Variants in PARD3B observed in about 807,000 individuals in gnomAD.
PARD3B encodes the protein partitioning defective 3 homolog B.
A neutral mutation model predicts 130.2 loss-of-function variants in PARD3B; 103 were observed. The ratio of observed to expected loss-of-function variants is 0.79; its 90% CI spans 0.67 to 0.93. The LOEUF is 0.93. PARD3B is among the 40% of genes least tolerant of loss of function. The probability of loss-of-function intolerance (pLI) is 0.00; values close to 1 mark genes in which losing one functional copy is unlikely to be tolerated. For synonymous variants in PARD3B, 583 were observed against 553.2 expected (o/e 1.05, Z -0.76); for missense variants, 1,609 against 1,499.2 (o/e 1.07, Z -1.21).
chr2:205,185,612 A>C, intron 13 of PARD3B, 152 bp from the exon 14 acceptor site: 4 of 583,278 alleles, frequency 6.9e-6, no homozygotes, highest in Non-Finnish European at 1.3e-5. Flanking sequence ...TCATTCTCAT[A>C]AGGATCCTTC....
intron 2 of PARD3B, among the ~76,000 whole-genome samples, chr2:204,949,829 CT>C (rs575390924): frequency 1.2e-3 from 180 of 152,048 alleles, no homozygotes; most frequent in African/African-American, 4.2e-3. Context: ...ACCTATTGGC[CT>C]GGGCTGGGAG....
intron 2 of PARD3B, among the ~76,000 whole-genome samples, chr2:204,935,134 T>C (rs1345308580): frequency 6.9e-6 from 1 of 145,340 alleles, no homozygotes; most frequent in East Asian, 1.9e-4. Flanking sequence ...TTTTTCATTC[T>C]TGTTTTCCCT....
chr2:204,804,763 C>T (rs906348142), intron 2 of PARD3B, among the ~76,000 whole-genome samples: 3 of 152,032 alleles, frequency 2.0e-5, no homozygotes, highest in Non-Finnish European at 4.4e-5. Context: ...CTTTCAAAAA[C>T]AATGAAATAA....
chr2:205,294,198 A>G (rs1340998352), intron 16 of PARD3B, among the ~76,000 whole-genome samples: 1 of 152,164 alleles, frequency 6.6e-6, no homozygotes, highest in Non-Finnish European at 1.5e-5. Context: ...AAAACAAACC[A>G]GCATGCTGGG....
chr2:205,130,303 T>C (rs1430022219), intron 10 of PARD3B, among the ~76,000 whole-genome samples: 1 of 152,196 alleles, frequency 6.6e-6, no homozygotes, highest in African/African-American at 2.4e-5. Context: ...ACTATGCTAG[T>C]TAATCAACTG....
intron 1 of PARD3B, among the ~76,000 whole-genome samples, chr2:204,666,713 G>A (rs1342624055): frequency 6.6e-6 from 1 of 152,116 alleles, no homozygotes; most frequent in African/African-American, 2.4e-5. Flanking sequence ...ATCACCATTT[G>A]CTATGAAAAA....
At chr2:204,872,079 A>G (rs1033629906) in intron 2 of PARD3B, among the ~76,000 whole-genome samples, 3 of 152,114 alleles carry the variant, frequency 2.0e-5, no homozygotes, top group Non-Finnish European at 2.9e-5. Context: ...TCTTAACACT[A>G]TTGACTCAAA....
intron 1 of PARD3B, among the ~76,000 whole-genome samples, chr2:204,565,412 TTGAC>T (rs1168442258): frequency 1.3e-5 from 2 of 152,222 alleles, no homozygotes; most frequent in South Asian, 2.1e-4. Context: ...ATGTGGTACT[TTGAC>T]TGATCTTGTA....
chr2:205,036,291 G>A (rs1453153253), intron 3 of PARD3B, among the ~76,000 whole-genome samples: 2 of 134,162 alleles, frequency 1.5e-5, no homozygotes, highest in Non-Finnish European at 3.2e-5. Context: ...GTATATAGTG[G>A]GCTATATATA....
In PARD3B at chr2:204,545,784, C is replaced by A. The variant is rs1278615585; in HGVS notation, c.-216C>A. The A allele has an allele frequency of 4.2e-6, 2 of 473,542 alleles. No homozygotes were observed. The highest frequency in any genetic ancestry group is 7.2e-6 in the Non-Finnish European group (2 of 277,430). 29.3% of individuals were successfully genotyped at this position (473,542 alleles called of 1,614,324 possible). On this transcript the variant is annotated 5_prime_UTR_variant, in exon 1 of 23. Coordinates refer to ENST00000406610, the MANE Select transcript of PARD3B (RefSeq NM_001302769.2). Reference sequence around the variant, plus strand: ...GGGCCGCCGGGCACCTGGGAGGTAACCCCTTTCCGCGGCCGCCCCTCCCCG... The same window carrying A: ...GGGCCGCCGGGCACCTGGGAGGTAAACCCTTTCCGCGGCCGCCCCTCCCCG...
At chr2:205,248,854 G>A (rs1219059808) in intron 16 of PARD3B, among the ~76,000 whole-genome samples, 2 of 151,798 alleles carry the variant, frequency 1.3e-5, no homozygotes, top group South Asian at 4.2e-4. Flanking sequence ...TGATCCGCCC[G>A]CCTCGGCCTC....
intron 2 of PARD3B, among the ~76,000 whole-genome samples, chr2:204,771,812 T>A (rs558535625): frequency 4.1e-4 from 62 of 152,202 alleles, no homozygotes; most frequent in African/African-American, 1.5e-3. Context: ...TGTATAAGAA[T>A]GGCAATACTT....
chr2:205,022,309 G>T (rs1300735498), intron 3 of PARD3B, among the ~76,000 whole-genome samples: 4 of 152,074 alleles, frequency 2.6e-5, no homozygotes, highest in Non-Finnish European at 5.9e-5. Context: ...ATTGGAATTT[G>T]CCGGCCAACA....
chr2:204,727,108 G>A (rs75565006), intron 2 of PARD3B, among the ~76,000 whole-genome samples: 15,902 of 151,614 alleles, frequency 0.1, 881 homozygotes, highest in African/African-American at 0.11. Context: ...AATACTGCAT[G>A]CAATGAGAAG....
chr2:205,279,089 A>AAAC (rs2041086358), intron 16 of PARD3B, among the ~76,000 whole-genome samples: 1 of 149,396 alleles, frequency 6.7e-6, no homozygotes, highest in African/African-American at 2.5e-5. Context: ...AAAAAAAAAA[A>AAAC]AAAAAAACAG....
intron 22 of PARD3B, among the ~76,000 whole-genome samples, chr2:205,601,311 A>G (rs1453630619): frequency 6.6e-6 from 1 of 152,180 alleles, no homozygotes; most frequent in Non-Finnish European, 1.5e-5. Flanking sequence ...TGTTTTGAGA[A>G]GTGTCTGTTC....
At chr2:205,236,290 A>G (rs1175222192) in intron 15 of PARD3B, among the ~76,000 whole-genome samples, 1 of 152,240 alleles carries the variant, frequency 6.6e-6, no homozygotes, top group Non-Finnish European at 1.5e-5. Flanking sequence ...AATTCTACAG[A>G]CATTCTTCCA....
chr2:205,378,125 C>T (rs577554265), intron 18 of PARD3B, among the ~76,000 whole-genome samples: 2 of 152,216 alleles, frequency 1.3e-5, no homozygotes, highest in East Asian at 3.9e-4. Flanking sequence ...ACCACCTCAC[C>T]CCACAAAAGC....
rs903334913 is a variant in PARD3B at position 205,229,801 on chromosome 2, A to C, written c.2141-15977A>C. On this transcript the variant is annotated intron_variant, in intron 15 of 22. Transcript: ENST00000406610. This position sits in a 1 kb window ranked among gnomAD's most constrained non-coding sequence, Gnocchi z 5.2. ...AGTCCACAGATGCCGTCCAGGAGCC[A>C]GGGCCTAGAGTCAGAAACCTTAGAT... Among the ~76,000 whole-genome samples, 1 of 152,022 alleles carries C rather than the reference A, an allele frequency of 6.6e-6. No individual in the cohort carries two copies. The highest frequency in any genetic ancestry group is 2.4e-5 in the African/African-American group (1 of 41,406).
Sources: allele counts gnomAD v4.1 joint callset (sites outside exome capture counted in the v4.1 genomes callset), GRCh38; gene constraint gnomAD v4.1.1; non-coding constraint Gnocchi (gnomAD v3.1); transcripts MANE v1.5; gene names NCBI Gene and HGNC (gene_info 2026-07-23, HGNC 2026-07-21).